LAMA4: variants seen among roughly 807,000 people sequenced by gnomAD.
LAMA4 encodes laminin subunit alpha-4.
Under a neutral mutation model 207.1 loss-of-function variants are expected in LAMA4, and 127 were observed. The observed-to-expected ratio is 0.61, with a 90% CI of 0.53 to 0.71. The LOEUF (loss-of-function observed/expected upper bound fraction) is 0.71. Ranked by LOEUF, LAMA4 falls within the 30% of genes least tolerant of loss-of-function variation. LAMA4 has a pLI of 0.00. For missense variants in LAMA4, 2,093 were observed against 2,246.5 expected (o/e 0.93, Z 1.38); for synonymous variants, 761 against 816.0 (o/e 0.93, Z 1.15).
At chr6:112,202,736 C>A (rs528979495) in intron 4 of LAMA4, among the ~76,000 whole-genome samples, 1 of 152,194 alleles carries the variant, frequency 6.6e-6, no homozygotes. Context: ...ATTTCTTTGG[C>A]CTTTTACCCT....
chr6:112,170,047 CT>C (rs1781621894), intron 12 of LAMA4, among the ~76,000 whole-genome samples: 1 of 152,324 alleles, frequency 6.6e-6, no homozygotes, highest in Middle Eastern at 3.4e-3. Context: ...GAGGTAAGAT[CT>C]ATTCCTAAAA....
intron 15 of LAMA4, 152 bp downstream of exon 15, chr6:112,155,413 A>T: frequency 1.3e-6 from 1 of 771,428 alleles, no homozygotes; most frequent in East Asian, 2.6e-5. Flanking sequence ...GAAACCTTCA[A>T]GGCATTCATG....
intron 12 of LAMA4, 31 bp from the exon 13 acceptor site, chr6:112,165,307 G>T: frequency 7.2e-7 from 1 of 1,381,954 alleles, no homozygotes; most frequent in Non-Finnish European, 1.0e-6. Context: ...GGAGAGTGAA[G>T]TGAATATGTC....
intron 3 of LAMA4, 95 bp from the exon 4 acceptor site, chr6:112,207,240 G>A: frequency 7.3e-7 from 1 of 1,366,366 alleles, no homozygotes. Context: ...CAAGCAAAAG[G>A]GACATCAGAT....
rs1011415960 is a variant in LAMA4, at chr6:112,113,832, A to G, written c.5326+244T>C. ...GTGTGTATGTGTGTGGCGGGCACTT[A>G]AAAGGGAAAGGAAAGAAAAAAATAA... On this transcript the variant is annotated intron_variant, in intron 38 of 38. Transcript: ENST00000230538. Among the ~76,000 whole-genome samples, 3 of 152,202 alleles carry G rather than the reference A, an allele frequency of 2.0e-5. No individual in the cohort carries two copies. In the South Asian group the frequency reaches 6.2e-4, roughly 32 times the overall value.
At chr6:112,166,402 A>C (rs1554339957) in intron 12 of LAMA4, 3 of 152,230 alleles carry the variant, frequency 2.0e-5, no homozygotes, top group African/African-American at 4.8e-5. Context: ...TCTTATCTTT[A>C]CAAAGACTGG....
chr6:112,130,336 G>A (rs1319675186), intron 29 of LAMA4, among the ~76,000 whole-genome samples: 1 of 150,618 alleles, frequency 6.6e-6, no homozygotes, highest in African/African-American at 2.5e-5. Flanking sequence ...GTGTGTGTGT[G>A]TATAAAACAG....
intron 19 of LAMA4, among the ~76,000 whole-genome samples, chr6:112,142,802 C>G (rs1779783217): frequency 2.6e-5 from 4 of 152,156 alleles, no homozygotes. Flanking sequence ...TAGTCTCAGA[C>G]CAGGTGGGCT....
chr6:112,170,197 G>A (rs1554341354), intron 12 of LAMA4, among the ~76,000 whole-genome samples: 6 of 152,172 alleles, frequency 3.9e-5, no homozygotes, highest in African/African-American at 1.4e-4. Context: ...TATCATTATC[G>A]GTAGTATTAA....
intron 10 of LAMA4, among the ~76,000 whole-genome samples, chr6:112,176,616 A>G (rs1782039352): frequency 6.6e-6 from 1 of 152,244 alleles, no homozygotes; most frequent in Non-Finnish European, 1.5e-5. Flanking sequence ...CTAAAATATT[A>G]ACCTGCGAAA....
intron 3 of LAMA4, 90 bp downstream of exon 3, chr6:112,216,278 G>A (rs1784619823): frequency 2.3e-6 from 2 of 880,972 alleles, no homozygotes; most frequent in Non-Finnish European, 1.9e-6. Context: ...TTGCTCCTAT[G>A]TGGCTCAAAC....
chr6:112,185,614 T>C (rs1782639951), intron 8 of LAMA4, among the ~76,000 whole-genome samples: 1 of 152,182 alleles, frequency 6.6e-6, no homozygotes, highest in Non-Finnish European at 1.5e-5. Flanking sequence ...AAAGGGCTCC[T>C]TTTTCTAATT....
intron 2 of LAMA4, among the ~76,000 whole-genome samples, chr6:112,224,938 G>GTTTTTTT (rs5879142): frequency 1.0e-4 from 15 of 143,144 alleles, no homozygotes; most frequent in Non-Finnish European, 1.5e-4. Context: ...TTCTTTCTCA[G>GTTTTTTT]TTTTTTTTTT....
rs548292708 is a variant in LAMA4 at position 112,246,377 on chromosome 6, T to C, written c.195+7579A>G. Reference sequence around the variant, plus strand: ...TCAAAATTATGTCTGGCCATCATTATATTTATGTGGTTACTATAAGCCAGA... The same window carrying C: ...TCAAAATTATGTCTGGCCATCATTACATTTATGTGGTTACTATAAGCCAGA... On this transcript the variant is annotated intron_variant, in intron 2 of 38. Transcript: ENST00000230538. Among the ~76,000 whole-genome samples the C allele has an allele frequency of 8.5e-5, 13 of 152,320 alleles. No individual in the cohort carries two copies. In the South Asian group the frequency reaches 2.3e-3, roughly 27 times the overall value.
Position 112,148,196 on chromosome 6 carries a change from A to G in LAMA4, c.2314T>C (p.Ser772Pro). Residue 772 changes from serine (S) to proline (P), a missense_variant, in exon 18 of 39, where the codon TCT (serine) becomes CCT (proline). By Grantham distance (74) the Ser-to-Pro change is moderately conservative (BLOSUM62 -1). Around this residue, in one of 3 missense-constraint regions of LAMA4, gnomAD observed 1,704 missense variants for 1,788.4 expected, o/e 0.95. Coordinates refer to ENST00000230538, the MANE Select transcript of LAMA4 (RefSeq NM_001105206.3). ...GAGTTCACTGCAGTGTTGTAAGCAG[A>G]AGAGTCAAAATGTTGAAGATTCTGT... The part of the protein sequence containing the change: ...WSQNLQHFDS[S>P]AYNTAVNSAR... 2 of 1,614,230 alleles carry G rather than the reference A, an allele frequency of 1.2e-6. No homozygotes were observed. The highest frequency in any genetic ancestry group is 1.7e-6 in the Non-Finnish European group (2 of 1,180,026).
intron 2 of LAMA4, among the ~76,000 whole-genome samples, chr6:112,226,369 C>T (rs918585405): frequency 1.3e-5 from 2 of 152,150 alleles, no homozygotes; most frequent in Non-Finnish European, 2.9e-5. Flanking sequence ...ATCACATACC[C>T]CACAACCCTC....
chr6:112,253,497 G>A (rs1554190265), intron 2 of LAMA4: 1 of 418,008 alleles, frequency 2.4e-6, no homozygotes, highest in Non-Finnish European at 4.5e-6. Context: ...CACCTTCCCT[G>A]CTGCAGAAGA....
chr6:112,135,396 A>T (rs1554331256), intron 25 of LAMA4, among the ~76,000 whole-genome samples: 1 of 152,188 alleles, frequency 6.6e-6, no homozygotes, highest in Non-Finnish European at 1.5e-5. Flanking sequence ...AGTTCTAATG[A>T]ATCTGCAAAA....
At chr6:112,130,801 T>C (rs532831989) in intron 29 of LAMA4, among the ~76,000 whole-genome samples, 167 bp downstream of exon 29, 1 of 152,312 alleles carries the variant, frequency 6.6e-6, no homozygotes, top group African/African-American at 2.4e-5. Flanking sequence ...TTACATGTCT[T>C]GGAAACTAAT....
Sources: gnomAD v4.1 joint callset for allele counts (sites outside exome capture counted in the v4.1 genomes callset) on GRCh38, gnomAD v4.1.1 for gene constraint, gnomAD v4.1.1 regional missense constraint, MANE v1.5 for transcripts, NCBI Gene and HGNC (gene_info 2026-07-23, HGNC 2026-07-21) for gene names.